Variants in DYM observed in about 807,000 individuals in gnomAD.
DYM encodes the protein dyggve-Melchior-Clausen syndrome protein.
DYM carries 78 observed loss-of-function variants against 93.1 expected under a neutral mutation model. The observed-to-expected ratio is 0.84, with a 90% CI of 0.70 to 1.01. DYM has a LOEUF of 1.01. Ranked by LOEUF, DYM falls within the 50% of genes least tolerant of loss-of-function variation. DYM has a pLI of 0.00. For missense variants in DYM, 789 were observed against 845.0 expected (o/e 0.93, Z 0.82); for synonymous variants, 321 against 319.7 (o/e 1.00, Z -0.04).
At chr18:49,325,920 G>A (rs1057308377) in intron 8 of DYM, among the ~76,000 whole-genome samples, 1 of 152,104 alleles carries the variant, frequency 6.6e-6, no homozygotes, top group Non-Finnish European at 1.5e-5. Flanking sequence ...AAGCTGCCTC[G>A]AAACAACACA....
chr18:49,319,868 T>C (rs2062329949), intron 8 of DYM, among the ~76,000 whole-genome samples: 1 of 152,178 alleles, frequency 6.6e-6, no homozygotes, highest in South Asian at 2.1e-4. Context: ...CCTGCAGAAG[T>C]GAGATGAAGG....
intron 16 of DYM, among the ~76,000 whole-genome samples, chr18:49,108,473 G>T (rs1381371998): frequency 6.6e-6 from 1 of 152,246 alleles, no homozygotes; most frequent in Admixed American, 6.5e-5. Context: ...TGGAAATGCA[G>T]AAATCACCCG....
chr18:49,318,087 T>C lies in DYM; in HGVS notation c.763+13777A>G, dbSNP rs2062153599. Among the ~76,000 whole-genome samples the C allele has an allele frequency of 2.0e-5, 3 of 152,128 alleles. No homozygotes were observed. In the South Asian group the frequency reaches 6.2e-4, roughly 32 times the overall value. ...CACTCTGCTCCATGCCTACACCTGA[T>C]ACCCCACACCCTTGCCCCAAGGTCC... is the stretch of plus-strand genomic sequence containing the variant. On this transcript the variant is annotated intron_variant, in intron 8 of 17. Transcript: ENST00000675505.
intron 8 of DYM, among the ~76,000 whole-genome samples, chr18:49,292,591 GGAAAAAAAAAAAAAAAA>G (rs2060215859): frequency 2.4e-5 from 1 of 40,852 alleles, no homozygotes; most frequent in African/African-American, 1.1e-4. Flanking sequence ...TTTTCCTGTT[GGAAAAAAAAAAAAAAAA>G]AAAAAAAAAA....
chr18:49,128,626 A>T (rs1317188466), intron 15 of DYM, among the ~76,000 whole-genome samples: 1 of 152,176 alleles, frequency 6.6e-6, no homozygotes, highest in African/African-American at 2.4e-5. Flanking sequence ...ATAATTTTTT[A>T]AAACCCCTTC....
At chr18:49,140,449 GTTAT>G (rs2084359725) in intron 15 of DYM, among the ~76,000 whole-genome samples, 1 of 152,132 alleles carries the variant, frequency 6.6e-6, no homozygotes. Context: ...TAATTCCAGT[GTTAT>G]GATGAGGCCA....
intron 11 of DYM, among the ~76,000 whole-genome samples, chr18:49,258,900 C>G (rs1343717783): frequency 2.2e-5 from 3 of 139,036 alleles, no homozygotes; most frequent in African/African-American, 8.3e-5. Flanking sequence ...GCAGGCAGGC[C>G]GGCAGACAGG....
chr18:49,318,340 C>A (rs2146527502), intron 8 of DYM, among the ~76,000 whole-genome samples: 1 of 152,314 alleles, frequency 6.6e-6, no homozygotes, highest in East Asian at 1.9e-4. Flanking sequence ...TATCTTTAAG[C>A]TGGGCATGGT....
chr18:49,224,106 T>C (rs890429953), intron 13 of DYM, among the ~76,000 whole-genome samples: 1 of 151,936 alleles, frequency 6.6e-6, no homozygotes, highest in African/African-American at 2.4e-5. Context: ...TGAGGGGTGG[T>C]TGCTGACAAG....
intron 13 of DYM, among the ~76,000 whole-genome samples, chr18:49,249,162 A>G (rs935779133): frequency 3.9e-5 from 6 of 152,150 alleles, no homozygotes; most frequent in Admixed American, 1.3e-4. Context: ...ATCTGGACAA[A>G]CCTGGGATAG....
chr18:49,198,868 C>G (rs2091747352), intron 14 of DYM, among the ~76,000 whole-genome samples: 1 of 151,606 alleles, frequency 6.6e-6, no homozygotes, highest in Non-Finnish European at 1.5e-5. Flanking sequence ...CCCAGCCATC[C>G]CATTACTGGG....
intron 17 of DYM, among the ~76,000 whole-genome samples, chr18:49,080,502 C>T (rs1599595374): frequency 3.5e-5 from 5 of 143,442 alleles, no homozygotes; most frequent in East Asian, 2.2e-4. Flanking sequence ...GGCGGCTGGC[C>T]GGGCAGAGGG....
intron 16 of DYM, among the ~76,000 whole-genome samples, chr18:49,101,328 C>T (rs2080115785): frequency 6.6e-6 from 1 of 152,176 alleles, no homozygotes; most frequent in African/African-American, 2.4e-5. Context: ...CCCTCCTCTA[C>T]CTACAATATT....
rs2071089463 is a variant in DYM at position 49,043,582 on chromosome 18, T to C, written c.*473A>G. 1 of 156,472 alleles carries C rather than the reference T, an allele frequency of 6.4e-6. No individual in the cohort carries two copies. The highest frequency in any genetic ancestry group is 2.0e-4 in the South Asian group (1 of 5,104). The allele number at this position is 156,472 out of a possible 1,614,324, so 9.7% of individuals were successfully genotyped here. The stretch of plus-strand genomic sequence containing the variant: ...ATTCCTGCCTCATCATCTTTTCTCA[T>C]TGATGCTCCTTAATGTCAAAGGAAT... On this transcript the variant is annotated 3_prime_UTR_variant, in exon 18 of 18. Transcript: ENST00000675505.
chr18:49,206,442 T>C (rs904252261), intron 14 of DYM: 6 of 152,270 alleles, frequency 3.9e-5, no homozygotes, highest in African/African-American at 1.4e-4. Context: ...GGTTTGTCTC[T>C]CTATATAATG....
intron 17 of DYM, among the ~76,000 whole-genome samples, chr18:49,083,089 A>T (rs550471385): frequency 1.9e-4 from 14 of 74,406 alleles, no homozygotes; most frequent in Admixed American, 6.1e-4. Context: ...TTGTGAGCCA[A>T]TATGATCTTT....
intron 17 of DYM, among the ~76,000 whole-genome samples, chr18:49,085,360 T>C (rs35718562): frequency 0.12 from 18,912 of 152,200 alleles, 1,598 homozygotes; most frequent in East Asian, 0.28. Flanking sequence ...GAACATGCTT[T>C]GATGTGCAAA....
chr18:49,443,008 C>G (rs1165035406), intron 1 of DYM, among the ~76,000 whole-genome samples: 2 of 152,022 alleles, frequency 1.3e-5, no homozygotes, highest in African/African-American at 2.4e-5. Flanking sequence ...CAGGCATGCA[C>G]CACCATGCCT....
chr18:49,428,738 T>A (rs547586228), intron 2 of DYM, among the ~76,000 whole-genome samples: 3 of 152,242 alleles, frequency 2.0e-5, no homozygotes, highest in African/African-American at 7.2e-5. Context: ...GAGTGTCTGC[T>A]AATGGGCATG....
Sources: gnomAD v4.1 joint callset for allele counts (sites outside exome capture counted in the v4.1 genomes callset) on GRCh38, gnomAD v4.1.1 for gene constraint, MANE v1.5 for transcripts, NCBI Gene and HGNC (gene_info 2026-07-23, HGNC 2026-07-21) for gene names.